The following MED15 variants were observed in gnomAD, a reference collection of about 807,000 sequenced individuals.
MED15 encodes the protein mediator complex subunit 15, also known as mediator of RNA polymerase II transcription subunit 15.
A neutral mutation model predicts 118.7 loss-of-function variants in MED15; 41 were observed. The observed-to-expected ratio is 0.35, with a 90% confidence interval of 0.27 to 0.45. MED15 has a LOEUF of 0.45. Among genes scored for constraint, MED15 ranks in the 20% least tolerant of loss-of-function variants. The probability of loss-of-function intolerance (pLI) is 1.00; values close to 1 mark genes in which losing one functional copy is unlikely to be tolerated. For synonymous variants in MED15, 436 were observed against 413.9 expected (o/e 1.05, Z -0.65); for missense variants, 740 against 1,025.5 (o/e 0.72, Z 3.80).
At chr22:20,511,663 A>G (rs1370284781) in intron 1 of MED15, among the ~76,000 whole-genome samples, 2 of 150,548 alleles carry the variant, frequency 1.3e-5, no homozygotes, top group African/African-American at 4.9e-5. Context: ...GAGGCTGGCT[A>G]TGACTAGACA....
chr22:20,531,582 AG>A (rs1368439787), intron 1 of MED15, among the ~76,000 whole-genome samples: 1 of 152,228 alleles, frequency 6.6e-6, no homozygotes, highest in Non-Finnish European at 1.5e-5. Flanking sequence ...CTCCACTGCC[AG>A]GACGTGCCTG....
At chr22:20,566,019 C>T (rs1035164627) in intron 6 of MED15, among the ~76,000 whole-genome samples, 4 of 147,034 alleles carry the variant, frequency 2.7e-5, no homozygotes, top group African/African-American at 1.0e-4. Flanking sequence ...AGCCTGTCAG[C>T]CCAGGAAGGC....
chr22:20,571,548 T>C (rs2146622281), intron 8 of MED15, among the ~76,000 whole-genome samples: 1 of 152,346 alleles, frequency 6.6e-6, no homozygotes, highest in Non-Finnish European at 1.5e-5. Flanking sequence ...TGTGGCACCT[T>C]GAAATTCTGT....
At chr22:20,549,388 T>C (rs1190904359) in intron 2 of MED15, among the ~76,000 whole-genome samples, 1 of 152,090 alleles carries the variant, frequency 6.6e-6, no homozygotes, top group Admixed American at 6.5e-5. Context: ...TCTTTAGCCC[T>C]TTTTTCTGCA....
chr22:20,538,926 C>T (rs2055183373), intron 2 of MED15, among the ~76,000 whole-genome samples: 1 of 151,960 alleles, frequency 6.6e-6, no homozygotes, highest in East Asian at 1.9e-4. Context: ...GTCTCAAACT[C>T]CTGAGCTCAG....
At position 20,564,228 on chromosome 22, in the gene MED15, T is replaced by C. The variant is rs538238866; in HGVS notation, c.452-222T>C. ...AGACTTAGTTGTCCCTTTTCTTTTG[T>C]CTTTGGTTATTATAGAGTAACTCAT... is the stretch of plus-strand genomic sequence containing the variant. On this transcript the variant is annotated intron_variant, in intron 5 of 17. Coordinates refer to ENST00000263205, the MANE Select transcript of MED15 (RefSeq NM_001003891.3). Among the ~76,000 whole-genome samples the C allele has an allele frequency of 4.6e-5, 7 of 152,336 alleles. No individual in the cohort carries two copies. In the East Asian group the frequency reaches 9.6e-4, roughly 21 times the overall value.
Position 20,586,970 on chromosome 22 carries a change from C to T in MED15, c.*266C>T, listed in dbSNP as rs1162836314. On this transcript the variant is annotated 3_prime_UTR_variant, in exon 18 of 18. Transcript: ENST00000263205. ...CTTCCTCCCAGGAGCCAGATGCGAT[C>T]CTCAGGCTGCTCTCACCGTGGCCTG... The T allele has an allele frequency of 1.8e-6, 1 of 545,446 alleles. No individual in the cohort carries two copies. The highest frequency in any genetic ancestry group is 3.3e-6 in the Non-Finnish European group (1 of 304,662). 33.8% of individuals were successfully genotyped at this position (545,446 alleles called of 1,614,324 possible).
rs191812195 is a variant in MED15 at position 20,578,670 on chromosome 22, A to T, written c.1272+3438A>T. On this transcript the variant is annotated intron_variant, in intron 9 of 17. Coordinates refer to ENST00000263205, the MANE Select transcript of MED15 (RefSeq NM_001003891.3). Reference sequence around the variant, plus strand: ...GAATTGCCCCACTGTGTCCCATCTGAGCTCTCAGGGGCCAGAACCTGCTGT... The same window carrying T: ...GAATTGCCCCACTGTGTCCCATCTGTGCTCTCAGGGGCCAGAACCTGCTGT... Among the ~76,000 whole-genome samples, 356 of 151,702 alleles carry T rather than the reference A, an allele frequency of 2.3e-3. 1 individual carries two copies. Among genetic ancestry groups the T allele is most frequent in the Non-Finnish European group, 4.3e-3 (290 of 67,994 alleles).
chr22:20,564,185 GCTT>G (rs1285725936), intron 5 of MED15, among the ~76,000 whole-genome samples: 1 of 152,206 alleles, frequency 6.6e-6, no homozygotes, highest in Admixed American at 6.5e-5. Context: ...CAGAGTCTAG[GCTT>G]CTTATTTATC....
chr22:20,573,476 T>G lies in MED15; in HGVS notation c.1153-1637T>G, dbSNP rs139931143. The stretch of plus-strand genomic sequence containing the variant: ...GACCCTCTCTCTTTTTGCTGGACCC[T>G]TCTGCACAGTGACTGCAGTAGGGAG... On this transcript the variant is annotated intron_variant, in intron 8 of 17. Coordinates refer to ENST00000263205, the MANE Select transcript of MED15 (RefSeq NM_001003891.3). Among the ~76,000 whole-genome samples, 243 of 152,284 alleles carry G rather than the reference T, an allele frequency of 1.6e-3. 1 individual carries two copies. The highest frequency in any genetic ancestry group is 5.5e-3 in the African/African-American group (228 of 41,554).
intron 2 of MED15, chr22:20,551,209 GCT>G: frequency 1.5e-6 from 1 of 677,716 alleles, no homozygotes; most frequent in Non-Finnish European, 2.8e-6. Flanking sequence ...GCCGTTGGAG[GCT>G]CTCTGTCCCC....
chr22:20,561,202 C>G (rs761490500), intron 5 of MED15, among the ~76,000 whole-genome samples: 1 of 151,898 alleles, frequency 6.6e-6, no homozygotes, highest in East Asian at 1.9e-4. Flanking sequence ...AAAATGCAAT[C>G]AAAAAAGACA....
At chr22:20,562,137 G>C (rs994830495) in intron 5 of MED15, among the ~76,000 whole-genome samples, 3 of 151,934 alleles carry the variant, frequency 2.0e-5, no homozygotes, top group Non-Finnish European at 4.4e-5. Flanking sequence ...TTCCAGCCTG[G>C]GTGACAGAGC....
At chr22:20,529,387 A>G (rs1404474176) in intron 1 of MED15, among the ~76,000 whole-genome samples, 1 of 151,336 alleles carries the variant, frequency 6.6e-6, no homozygotes, top group Non-Finnish European at 1.5e-5. Flanking sequence ...AGCTGGGATT[A>G]TGGCCGCACA....
intron 1 of MED15, among the ~76,000 whole-genome samples, chr22:20,520,456 G>A (rs2054406278): frequency 6.6e-6 from 1 of 152,184 alleles, no homozygotes; most frequent in Non-Finnish European, 1.5e-5. Context: ...TTCGTGTGAG[G>A]GAGAAGTCCC....
intron 1 of MED15, among the ~76,000 whole-genome samples, chr22:20,528,694 C>T (rs1034855092): frequency 2.0e-5 from 3 of 152,150 alleles, no homozygotes; most frequent in East Asian, 1.9e-4. Context: ...CTGCTCACTG[C>T]GATGGAGGAG....
chr22:20,567,720 C>T (rs1282537291), intron 7 of MED15, among the ~76,000 whole-genome samples: 1 of 152,192 alleles, frequency 6.6e-6, no homozygotes, highest in Non-Finnish European at 1.5e-5. Flanking sequence ...TTGGAATGTG[C>T]CCTGGCAGGG....
At chr22:20,581,423 G>T (rs1215068249) in intron 9 of MED15, among the ~76,000 whole-genome samples, 1 of 152,180 alleles carries the variant, frequency 6.6e-6, no homozygotes, top group East Asian at 1.9e-4. Flanking sequence ...GGGGGGTGGT[G>T]TGAGCCGTGG....
intron 1 of MED15, among the ~76,000 whole-genome samples, chr22:20,518,650 T>C (rs943103892): frequency 2.0e-5 from 3 of 152,222 alleles, no homozygotes; most frequent in Non-Finnish European, 4.4e-5. Flanking sequence ...CATAGCTCTA[T>C]GTCTCTTATA....
Sources: allele counts gnomAD v4.1 joint callset (sites outside exome capture counted in the v4.1 genomes callset), GRCh38; gene constraint gnomAD v4.1.1; transcripts MANE v1.5; gene names NCBI Gene and HGNC (gene_info 2026-07-23, HGNC 2026-07-21).